The following SEZ6L variants were observed in gnomAD, a reference collection of about 807,000 sequenced individuals.
SEZ6L encodes seizure 6-like protein.
SEZ6L carries 37 observed loss-of-function variants against 106.2 expected under a neutral mutation model. The observed-to-expected ratio is 0.35, with a 90% CI of 0.27 to 0.46. The LOEUF (loss-of-function observed/expected upper bound fraction) is 0.46. SEZ6L is among the 20% of genes least tolerant of loss of function. The pLI, the probability that SEZ6L is intolerant of heterozygous loss-of-function variation, is 1.00. For synonymous variants in SEZ6L, 541 were observed against 570.4 expected (o/e 0.95, Z 0.73); for missense variants, 1,172 against 1,332.8 (o/e 0.88, Z 1.88).
chr22:26,266,726 C>G (rs1244597486), intron 1 of SEZ6L, among the ~76,000 whole-genome samples: 1 of 152,024 alleles, frequency 6.6e-6, no homozygotes, highest in Non-Finnish European at 1.5e-5. Context: ...TCAAGTCTGA[C>G]TTTCTTTCTA....
At chr22:26,216,845 T>C (rs1006904571) in intron 1 of SEZ6L, among the ~76,000 whole-genome samples, 23 of 152,290 alleles carry the variant, frequency 1.5e-4, no homozygotes, top group Admixed American at 1.4e-3. Context: ...ATTCTCATTA[T>C]TGTCCCCAGT....
At chr22:26,333,320 C>T in intron 9 of SEZ6L, among the ~76,000 whole-genome samples, 1 of 152,194 alleles carries the variant, frequency 6.6e-6, no homozygotes, top group Admixed American at 6.5e-5. Context: ...TAGTGACCTA[C>T]ATATCCAAGA....
chr22:26,182,207 A>G (rs534050049), intron 1 of SEZ6L, among the ~76,000 whole-genome samples: 58 of 152,346 alleles, frequency 3.8e-4, no homozygotes, highest in African/African-American at 1.4e-3. Flanking sequence ...TCTTATTAGC[A>G]TGCATATGAA....
At chr22:26,282,324 G>A (rs970028476) in intron 1 of SEZ6L, among the ~76,000 whole-genome samples, 3 of 152,160 alleles carry the variant, frequency 2.0e-5, no homozygotes, top group Non-Finnish European at 4.4e-5. Flanking sequence ...GCTTTGTATT[G>A]TGAACACTTT....
At chr22:26,327,701 C>T (rs1601514159) in intron 9 of SEZ6L, among the ~76,000 whole-genome samples, 1 of 152,086 alleles carries the variant, frequency 6.6e-6, no homozygotes, top group Non-Finnish European at 1.5e-5. Context: ...CACCCACACA[C>T]ACCACACGCA....
chr22:26,290,124 CTTGGAGAGTGAAGTCATTAACCAGCAA>C (rs2081061585), intron 1 of SEZ6L, among the ~76,000 whole-genome samples: 1 of 152,156 alleles, frequency 6.6e-6, no homozygotes, highest in African/African-American at 2.4e-5. Flanking sequence ...GGAACTGAGG[CTTGGAGAGTGAAGTCATTAACCAGCAA>C]TTGGCAGAAC....
chr22:26,225,315 G>C (rs2078604468), intron 1 of SEZ6L, among the ~76,000 whole-genome samples: 11 of 152,190 alleles, frequency 7.2e-5, no homozygotes, highest in Admixed American at 7.2e-4. Context: ...CCTAATCAAT[G>C]CCATCCACAA....
At chr22:26,371,512 A>G (rs993641262) in intron 13 of SEZ6L, among the ~76,000 whole-genome samples, 1 of 152,106 alleles carries the variant, frequency 6.6e-6, no homozygotes, top group Non-Finnish European at 1.5e-5. Context: ...GTGCACCTGT[A>G]ATCCCAGCTA....
intron 1 of SEZ6L, among the ~76,000 whole-genome samples, chr22:26,255,139 A>G (rs542562380): frequency 5.9e-5 from 9 of 152,340 alleles, no homozygotes; most frequent in African/African-American, 2.2e-4. Context: ...TATTTGTTAC[A>G]TGCAATTTGA....
intron 9 of SEZ6L, among the ~76,000 whole-genome samples, chr22:26,340,196 T>C (rs2082782783): frequency 1.3e-5 from 2 of 152,074 alleles, no homozygotes; most frequent in Admixed American, 6.6e-5. Flanking sequence ...AGAGTGCCAC[T>C]GCACTCTAGC....
At chr22:26,216,310 G>A (rs1203489939) in intron 1 of SEZ6L, among the ~76,000 whole-genome samples, 1 of 152,174 alleles carries the variant, frequency 6.6e-6, no homozygotes, top group Non-Finnish European at 1.5e-5. Context: ...TCCCTAAGGG[G>A]ACAGCTGACC....
chr22:26,234,114 T>A (rs936205148), intron 1 of SEZ6L, among the ~76,000 whole-genome samples: 2 of 152,178 alleles, frequency 1.3e-5, no homozygotes. Context: ...AATCAGCCAC[T>A]TGACACTTTA....
intron 1 of SEZ6L, among the ~76,000 whole-genome samples, chr22:26,196,925 A>C (rs1157290421): frequency 1.3e-5 from 2 of 152,208 alleles, no homozygotes; most frequent in Non-Finnish European, 2.9e-5. Context: ...TAGAGAGTAA[A>C]CAAGATCAGT....
chr22:26,245,842 A>G (rs1487561860), intron 1 of SEZ6L, among the ~76,000 whole-genome samples: 1 of 152,040 alleles, frequency 6.6e-6, no homozygotes, highest in African/African-American at 2.4e-5. Context: ...TACTGCTGCT[A>G]TTGTCACCAT....
intron 11 of SEZ6L, among the ~76,000 whole-genome samples, chr22:26,350,492 C>G (rs1361214268): frequency 6.6e-6 from 1 of 151,884 alleles, no homozygotes; most frequent in Non-Finnish European, 1.5e-5. Flanking sequence ...TCTTCCCTTT[C>G]AAGTCCTAGG....
rs1309044017 is a variant in SEZ6L, at chr22:26,382,542, ATTG to A, written c.*2253_*2255del. ...TTTTTGTTTTTTTGTTGTTGTTGTC[ATTG>A]TTGTTTTTTTCAGAAGACCAGTGTC... On this transcript the variant is annotated 3_prime_UTR_variant, in exon 17 of 17. Transcript: ENST00000248933. 1 of 152,636 alleles carries A rather than the reference ATTG, an allele frequency of 6.6e-6. No individual in the cohort carries two copies. Among genetic ancestry groups the A allele is most frequent in the African/African-American group, 2.4e-5 (1 of 41,398 alleles). 9.5% of individuals were successfully genotyped at this position (152,636 alleles called of 1,614,324 possible).
At chr22:26,211,573 G>A (rs146155818) in intron 1 of SEZ6L, among the ~76,000 whole-genome samples, 1 of 152,180 alleles carries the variant, frequency 6.6e-6, no homozygotes, top group East Asian at 1.9e-4. Context: ...TCAGTCCAGT[G>A]TTTTTTTCCA....
chr22:26,278,265 G>C (rs2080619492), intron 1 of SEZ6L, among the ~76,000 whole-genome samples: 1 of 152,164 alleles, frequency 6.6e-6, no homozygotes, highest in Non-Finnish European at 1.5e-5. Context: ...GGAATAATAG[G>C]ATATCTAAAA....
At chr22:26,325,985 T>C (rs1205873689) in intron 9 of SEZ6L, among the ~76,000 whole-genome samples, 2 of 151,800 alleles carry the variant, frequency 1.3e-5, no homozygotes, top group Non-Finnish European at 2.9e-5. Flanking sequence ...AGTTTGAGTG[T>C]TACAGTAGGA....
Sources: gnomAD v4.1 joint callset for allele counts (sites outside exome capture counted in the v4.1 genomes callset) on GRCh38, gnomAD v4.1.1 for gene constraint, MANE v1.5 for transcripts, NCBI Gene and HGNC (gene_info 2026-07-23, HGNC 2026-07-21) for gene names.